Variants in SCGB1D4 observed in about 807,000 individuals in gnomAD.
SCGB1D4 encodes the protein IFN-gamma inducible SCGB (IIS).
SCGB1D4 carries 6 observed loss-of-function variants against 8.1 expected under a neutral mutation model. That is an observed-to-expected ratio of 0.74 (90% CI 0.40 to 1.45). SCGB1D4 has a LOEUF of 1.45. SCGB1D4 is among the 40% of genes most tolerant of loss of function. The probability of loss-of-function intolerance (pLI) is 0.02; values close to 1 mark genes in which losing one functional copy is unlikely to be tolerated. For missense variants in SCGB1D4, 93 were observed against 95.0 expected (o/e 0.98, Z 0.09); for synonymous variants, 34 against 38.1 (o/e 0.89, Z 0.39).
chr11:62,296,461 A>C (rs1375742508), intron 2 of SCGB1D4, 42 bp from the exon 3 acceptor site: 10 of 1,599,336 alleles, frequency 6.3e-6, no homozygotes, highest in Non-Finnish European at 7.7e-6. Context: ...AGGTGAGGTC[A>C]GTCATGCTGC....
At chr11:62,298,359 T>C (rs993107157) in intron 1 of SCGB1D4, among the ~76,000 whole-genome samples, 4 of 152,130 alleles carry the variant, frequency 2.6e-5, no homozygotes, top group African/African-American at 9.7e-5. Flanking sequence ...CATTACATCA[T>C]CTGACACAGA....
intron 1 of SCGB1D4, 83 bp from the exon 2 acceptor site, chr11:62,297,741 A>T: frequency 8.8e-6 from 10 of 1,130,062 alleles, no homozygotes; most frequent in African/African-American, 1.6e-5. Context: ...ACCAGACAGG[A>T]TCCCCTGGGT....
intron 1 of SCGB1D4, among the ~76,000 whole-genome samples, chr11:62,298,053 T>G (rs1455447966): frequency 2.7e-5 from 4 of 147,840 alleles, no homozygotes; most frequent in African/African-American, 5.0e-5. Flanking sequence ...TGTGTTTTGT[T>G]TTGTTTTTTT....
chr11:62,298,960 G>C lies in SCGB1D4; in HGVS notation c.51C>G (p.Tyr17Ter). 2.5e-6 allele frequency: 4 copies of C among 1,613,940 alleles called. No homozygotes were observed. Among genetic ancestry groups the C allele is most frequent in the Non-Finnish European group, 3.4e-6 (4 of 1,179,902 alleles). Residue 17 changes from tyrosine (Y) to a stop codon, truncating the protein, a stop_gained, in exon 1 of 3, where the codon TAC (tyrosine) becomes TAG (stop). Coordinates refer to ENST00000358585, the MANE Select transcript of SCGB1D4 (RefSeq NM_206998.2). LOFTEE classifies it high-confidence loss of function. Reference protein sequence around the residue: ...LLMVSLALCCYQAHALVCPAV... With the variant: ...LLMVSLALCC ...ACTCATGACTGATGTACTCACCCTG[G>C]TAGCAGCAAAGGGCCAGCGAGACCA...
chr11:62,297,372 G>T lies in SCGB1D4; in HGVS notation c.242+100C>A, dbSNP rs4280004. ...ACTCCCCATGTCCTCAGCACACTCT[G>T]GGGACACAGCATCCAGGCAGGTGAC... On this transcript the variant is annotated intron_variant, in intron 2 of 2. Coordinates refer to ENST00000358585, the MANE Select transcript of SCGB1D4 (RefSeq NM_206998.2). 14 of 973,092 alleles carry T rather than the reference G, an allele frequency of 1.4e-5. No homozygotes were observed. In the South Asian group the frequency reaches 1.8e-4, roughly 13 times the overall value. The allele number at this position is 973,092 out of a possible 1,614,324, so 60.3% of individuals were successfully genotyped here. A position where few individuals can be genotyped will look rare whatever the true frequency, so the allele number is the denominator to read the frequency against.
Position 62,299,016 on chromosome 11 carries a change from C to T in SCGB1D4, c.-6G>A. 6.2e-7 allele frequency: 1 copy of T among 1,613,142 alleles called. No individual in the cohort carries two copies. The highest frequency in any genetic ancestry group is 1.3e-5 in the African/African-American group (1 of 74,978). ...AGACACACTGACAGCCTCATGGTGG[C>T]TTATTCGGCTGTGAGCTCAGCTTTC... is the stretch of plus-strand genomic sequence containing the variant. On this transcript the variant is annotated 5_prime_UTR_variant, in exon 1 of 3. Transcript: ENST00000358585.
Position 62,296,287 on chromosome 11 carries a change from G to A in SCGB1D4, c.*123C>T, listed in dbSNP as rs569742876. ...AACAAGACCAGTGGAGATGTGCAGG[G>A]CAAGTGATTTATTAAAGCAACGTGT... On this transcript the variant is annotated 3_prime_UTR_variant, in exon 3 of 3. Coordinates refer to ENST00000358585, the MANE Select transcript of SCGB1D4 (RefSeq NM_206998.2). The A allele has an allele frequency of 3.2e-5, 28 of 874,390 alleles. 1 individual carries two copies. In the South Asian group the frequency reaches 3.4e-4, roughly 11 times the overall value. 54.2% of individuals were successfully genotyped at this position (874,390 alleles called of 1,614,324 possible). A position where few individuals can be genotyped will look rare whatever the true frequency, so the allele number is the denominator to read the frequency against.
In SCGB1D4 at chr11:62,296,361, T is replaced by C. The variant is rs768307880; in HGVS notation, c.*49A>G. 6.3e-7 allele frequency: 1 copy of C among 1,577,188 alleles called. No homozygotes were observed. Among genetic ancestry groups the C allele is most frequent in the Non-Finnish European group, 8.7e-7 (1 of 1,146,812 alleles). ...AAGATCAGGGTGTCGTTGAAAGACT[T>C]TGGAAACCAGGTTGAGCATTTTTAC... On this transcript the variant is annotated 3_prime_UTR_variant, in exon 3 of 3. Transcript: ENST00000358585.
intron 1 of SCGB1D4, among the ~76,000 whole-genome samples, chr11:62,298,047 T>TGTGTG (rs1218181621): frequency 5.5e-4 from 57 of 103,356 alleles, no homozygotes; most frequent in African/African-American, 2.1e-3. Flanking sequence ...TGTGTGTGTG[T>TGTGTG]TTTGTTTTGT....
At chr11:62,296,670 T>C (rs1308581525) in intron 2 of SCGB1D4, among the ~76,000 whole-genome samples, 1 of 152,088 alleles carries the variant, frequency 6.6e-6, no homozygotes, top group African/African-American at 2.4e-5. Flanking sequence ...GCCCAGGGTT[T>C]TCATGGAGGA....
chr11:62,297,696 A>G (rs1308662632), intron 1 of SCGB1D4, 38 bp from the exon 2 acceptor site: 1 of 1,583,794 alleles, frequency 6.3e-7, no homozygotes, highest in Non-Finnish European at 8.6e-7. Context: ...GATGTTAGGA[A>G]AGTCGATTTT....
In SCGB1D4 at chr11:62,298,998, C is replaced by A. The variant is rs1448662465; in HGVS notation, c.13G>T (p.Val5Leu). Reference sequence around the variant, plus strand: ...GCCAGCGAGACCATCAGGAGACACACTGACAGCCTCATGGTGGCTTATTCG... The same window carrying A: ...GCCAGCGAGACCATCAGGAGACACAATGACAGCCTCATGGTGGCTTATTCG... MRLS[V>L]CLLMVSLALC... The change falls in exon 1 of 3, where the codon GTG becomes TTG. Residue 5 changes from valine (V) to leucine (L), a missense_variant. By Grantham distance (32) the Val-to-Leu change is conservative. Coordinates refer to ENST00000358585, the MANE Select transcript of SCGB1D4 (RefSeq NM_206998.2). The A allele has an allele frequency of 1.2e-6, 2 of 1,613,906 alleles. No homozygotes were observed. Among genetic ancestry groups the A allele is most frequent in the African/African-American group, 1.3e-5 (1 of 75,006 alleles).
intron 2 of SCGB1D4, among the ~76,000 whole-genome samples, chr11:62,296,860 C>T (rs1382234429): frequency 6.6e-6 from 1 of 152,180 alleles, no homozygotes; most frequent in South Asian, 2.1e-4. Context: ...TTCTGCCTAA[C>T]GGCCAGGGGT....
rs1418869429 is a variant in SCGB1D4 at position 62,297,497 on chromosome 11, TC to T, written c.216del (p.Lys73AsnfsTer5). 2 of 1,611,536 alleles carry T rather than the reference TC, an allele frequency of 1.2e-6. No homozygotes were observed. The highest frequency in any genetic ancestry group is 1.7e-6 in the Non-Finnish European group (2 of 1,179,270). On this transcript the variant is annotated frameshift_variant, in exon 2 of 3. Transcript: ENST00000358585. LOFTEE classifies it low-confidence loss of function (END_TRUNC). Reference protein sequence around the residue: ...VKHCTDQISFKKRLSLKKSWW... With the variant: ...VKHCTDQISFXKRLSLKKSWW... ...CAGGACTTTTTCAATGAGAGTCGTT[TC>T]TTAAAAGATATCTGATCGGTGCAGT...
intron 1 of SCGB1D4, 73 bp from the exon 2 acceptor site, chr11:62,297,731 A>G: frequency 8.2e-7 from 1 of 1,226,742 alleles, no homozygotes; most frequent in Admixed American, 1.9e-5. Context: ...CTGAGGTTAC[A>G]CCAGACAGGA....
intron 2 of SCGB1D4, among the ~76,000 whole-genome samples, chr11:62,296,626 C>T (rs1479085520): frequency 6.6e-6 from 1 of 152,162 alleles, no homozygotes; most frequent in Non-Finnish European, 1.5e-5. Flanking sequence ...CTTTCCCCAC[C>T]AGACCAATAG....
chr11:62,298,576 T>C (rs1464190376), intron 1 of SCGB1D4, among the ~76,000 whole-genome samples: 1 of 151,988 alleles, frequency 6.6e-6, no homozygotes, highest in Admixed American at 6.5e-5. Context: ...CTGACCAACA[T>C]GGAGAAACCC....
Position 62,297,565 on chromosome 11 carries a change from T to C in SCGB1D4, c.149A>G (p.Asn50Ser). 1 of 1,614,146 alleles carries C rather than the reference T, an allele frequency of 6.2e-7. No individual in the cohort carries two copies. Among genetic ancestry groups the C allele is most frequent in the Non-Finnish European group, 8.5e-7 (1 of 1,179,972 alleles). The change falls in exon 2 of 3, where the codon AAT becomes AGT. Residue 50 changes from asparagine (N) to serine (S), a missense_variant. Transcript: ENST00000358585. ...GGCTGCAAGAGCTTCTGGAGGTGGA[T>C]TAAGTTTGGCAACTTGGAGGTTTAC... is the stretch of plus-strand genomic sequence containing the variant. ...AAVNLQVAKL[N>S]PPPEALAAKL...
chr11:62,296,546 A>G, intron 2 of SCGB1D4, 127 bp from the exon 3 acceptor site: 2 of 937,936 alleles, frequency 2.1e-6, no homozygotes, highest in Non-Finnish European at 3.3e-6. Context: ...GGCAGAGGCA[A>G]GAATTCAGTT....
Sources: allele counts gnomAD v4.1 joint callset (sites outside exome capture counted in the v4.1 genomes callset), GRCh38; gene constraint gnomAD v4.1.1; transcripts MANE v1.5; gene names NCBI Gene and HGNC (gene_info 2026-07-23, HGNC 2026-07-21).